The following FAT4 variants were observed in gnomAD, a reference collection of about 807,000 sequenced individuals.
The protein encoded by FAT4 is protocadherin Fat 4.
FAT4 carries 84 observed loss-of-function variants against 303.9 expected under a neutral mutation model. That is an observed-to-expected ratio of 0.28 (90% CI 0.23 to 0.33). The LOEUF is 0.33. FAT4 is among the 10% of genes least tolerant of loss of function. FAT4 has a pLI of 1.00. For synonymous variants in FAT4, 2,307 were observed against 2,298.8 expected (o/e 1.00, Z -0.10); for missense variants, 6,005 against 6,146.8 (o/e 0.98, Z 0.77).
chr4:125,413,497 G>C (rs922749713), intron 5 of FAT4, among the ~76,000 whole-genome samples: 5 of 151,794 alleles, frequency 3.3e-5, no homozygotes, highest in African/African-American at 1.2e-4. Flanking sequence ...GTTTATCCTA[G>C]AAATTTTTGT....
At chr4:125,417,147 C>A (rs2126029505) in intron 7 of FAT4, among the ~76,000 whole-genome samples, 2 of 152,126 alleles carry the variant, frequency 1.3e-5, no homozygotes, top group Middle Eastern at 3.4e-3. Flanking sequence ...CCACCTAAGC[C>A]CTATTCCCAT....
At position 125,491,986 on chromosome 4, in the gene FAT4, G is replaced by A. The variant is rs1047238059; in HGVS notation, c.*218G>A. 9.4e-6 allele frequency: 5 copies of A among 533,226 alleles called. No individual in the cohort carries two copies. The highest frequency in any genetic ancestry group is 1.6e-5 in the Non-Finnish European group (5 of 312,218). The allele number at this position is 533,226 out of a possible 1,614,324, so 33.0% of individuals were successfully genotyped here. Reference sequence around the variant, plus strand: ...TTGAATTTATTTCCCTGCATGCATTGTGTTTTGTAACTAGTTATGTGGCAT... The same window carrying A: ...TTGAATTTATTTCCCTGCATGCATTATGTTTTGTAACTAGTTATGTGGCAT... On this transcript the variant is annotated 3_prime_UTR_variant, in exon 18 of 18. Coordinates refer to ENST00000394329, the MANE Select transcript of FAT4 (RefSeq NM_001291303.3).
Position 125,316,942 on chromosome 4 carries a change from C to G in FAT4, c.531C>G (p.Ile177Met), listed in dbSNP as rs1049513322. ...TGGACCACCGCTCCTACCGCATCATCCGCGGCAATGAGGCGGGGCGCTTCC... is the reference window on the plus strand; with the variant it reads ...TGGACCACCGCTCCTACCGCATCATGCGCGGCAATGAGGCGGGGCGCTTCC... ...NGVDHRSYRI[I>M]RGNEAGRFRL... Residue 177 changes from isoleucine (I) to methionine (M), a missense_variant, in exon 2 of 18, where the codon ATC becomes ATG. Coordinates refer to ENST00000394329, the MANE Select transcript of FAT4 (RefSeq NM_001291303.3). This position sits in a 1 kb window ranked among gnomAD's most constrained non-coding sequence, Gnocchi z 5.7. 1.2e-6 allele frequency: 2 copies of G among 1,613,998 alleles called. No homozygotes were observed. The highest frequency in any genetic ancestry group is 2.7e-5 in the African/African-American group (2 of 75,072).
chr4:125,464,980 C>T (rs189321533), intron 11 of FAT4, among the ~76,000 whole-genome samples: 10 of 152,230 alleles, frequency 6.6e-5, no homozygotes, highest in African/African-American at 2.2e-4. Flanking sequence ...GTATAATTTA[C>T]TAGGTATTTT....
chr4:125,488,125 A>G (rs935142484), intron 17 of FAT4, among the ~76,000 whole-genome samples: 1 of 152,236 alleles, frequency 6.6e-6, no homozygotes, highest in Non-Finnish European at 1.5e-5. Flanking sequence ...ATTGACATGT[A>G]TACATAAATC....
chr4:125,468,891 A>T, intron 12 of FAT4, 72 bp downstream of exon 12: 3 of 1,429,262 alleles, frequency 2.1e-6, no homozygotes, highest in Non-Finnish European at 2.9e-6. Context: ...TGGGGTGCAA[A>T]TCATGTTAAA....
intron 16 of FAT4, among the ~76,000 whole-genome samples, chr4:125,486,686 A>G (rs1447581141): frequency 6.6e-6 from 1 of 152,200 alleles, no homozygotes; most frequent in African/African-American, 2.4e-5. Flanking sequence ...CCTGGACAAA[A>G]TAAAATAAAC....
At chr4:125,476,542 C>G (rs1360481743) in intron 13 of FAT4, among the ~76,000 whole-genome samples, 1 of 152,088 alleles carries the variant, frequency 6.6e-6, no homozygotes, top group Non-Finnish European at 1.5e-5. Context: ...GACCTTCATT[C>G]TGAAAAACAT....
chr4:125,470,143 CT>C (rs577018503), intron 12 of FAT4, among the ~76,000 whole-genome samples: 2 of 152,224 alleles, frequency 1.3e-5, no homozygotes, highest in East Asian at 3.9e-4. Flanking sequence ...TGAAAGGAAT[CT>C]TTTTTTCCGA....
At chr4:125,481,429 ATTGTCCTTTTTATATTT>A (rs1727221511) in intron 15 of FAT4, 75 bp from the exon 16 acceptor site, 2 of 1,085,498 alleles carry the variant, frequency 1.8e-6, no homozygotes, top group South Asian at 3.0e-5. Flanking sequence ...CGACATTTTC[ATTGTCCTTTTTATATTT>A]TTGTCACTAT....
chr4:125,325,628 G>C (rs1433889035), intron 2 of FAT4, among the ~76,000 whole-genome samples: 1 of 152,164 alleles, frequency 6.6e-6, no homozygotes, highest in African/African-American at 2.4e-5. Flanking sequence ...AGAGTAATGG[G>C]TCTTTGTGCA....
In FAT4 at chr4:125,477,209, A is replaced by T; in HGVS notation, c.12354A>T (p.Glu4118Asp). 1 of 1,522,034 alleles carries T rather than the reference A, an allele frequency of 6.6e-7. No individual in the cohort carries two copies. Among genetic ancestry groups the T allele is most frequent in the Non-Finnish European group, 8.9e-7 (1 of 1,129,374 alleles). The allele number at this position is 1,522,034 out of a possible 1,614,324, so 94.3% of individuals were successfully genotyped here. A position where few individuals can be genotyped will look rare whatever the true frequency, so the allele number is the denominator to read the frequency against. The change falls in exon 14 of 18, where the codon GAA becomes GAT. Residue 4118 changes from glutamate to aspartate, a missense_variant. Glu to Asp is a conservative substitution (Grantham distance 45, BLOSUM62 2). Coordinates refer to ENST00000394329, the MANE Select transcript of FAT4 (RefSeq NM_001291303.3). ...CAGTTGGAGGTATCAGATCTCTAGA[A>T]CCAATCCTTCAGAGAAGAGGACACG... ...RVTVGGIRSL[E>D]PILQRRGHVE...
intron 7 of FAT4, among the ~76,000 whole-genome samples, chr4:125,431,334 T>G (rs1285141620): frequency 1.3e-5 from 2 of 152,188 alleles, no homozygotes; most frequent in Non-Finnish European, 2.9e-5. Flanking sequence ...ATGTCTTCCA[T>G]AAAGCTGTGA....
Position 125,317,103 on chromosome 4 carries a change from G to A in FAT4, c.692G>A (p.Arg231Gln). Residue 231 changes from arginine (R) to glutamine (Q), a missense_variant, in exon 2 of 18, where the codon CGG (arginine) becomes CAG (glutamine). Physicochemically the swap from Arg to Gln is conservative, Grantham distance 43. Coordinates refer to ENST00000394329, the MANE Select transcript of FAT4 (RefSeq NM_001291303.3). This position sits in a 1 kb window ranked among gnomAD's most constrained non-coding sequence, Gnocchi z 7.0. ...GAGGACAAGGGTGAGCCTAAGCGGC[G>A]GGGCTACCTTCAGGTAAACGTGACT... Reference protein sequence around the residue: ...EVEDKGEPKRRGYLQVNVTVQ... With the variant: ...EVEDKGEPKRQGYLQVNVTVQ... 1 of 1,613,876 alleles carries A rather than the reference G, an allele frequency of 6.2e-7. No individual in the cohort carries two copies. The highest frequency in any genetic ancestry group is 8.5e-7 in the Non-Finnish European group (1 of 1,180,044).
intron 10 of FAT4, among the ~76,000 whole-genome samples, chr4:125,460,473 T>G (rs1052446872): frequency 6.6e-6 from 1 of 151,914 alleles, no homozygotes; most frequent in Admixed American, 6.6e-5. Flanking sequence ...GTCTGTTGTT[T>G]CCTTCTCTGT....
intron 11 of FAT4, among the ~76,000 whole-genome samples, chr4:125,464,014 C>T (rs990145323): frequency 4.6e-5 from 7 of 152,072 alleles, no homozygotes; most frequent in African/African-American, 1.7e-4. Context: ...TATTTCAAAT[C>T]TTTAAGAGTA....
intron 2 of FAT4, among the ~76,000 whole-genome samples, chr4:125,365,852 C>T (rs911027535): frequency 7.2e-5 from 11 of 152,118 alleles, no homozygotes; most frequent in African/African-American, 2.7e-4. Flanking sequence ...TTATATAGGT[C>T]AGGAGTTCCC....
chr4:125,364,275 T>G (rs1469199270), intron 2 of FAT4, among the ~76,000 whole-genome samples: 1 of 152,170 alleles, frequency 6.6e-6, no homozygotes, highest in Non-Finnish European at 1.5e-5. Flanking sequence ...TAGTGATTCT[T>G]GTAGTAATCT....
At chr4:125,374,698 T>G (rs895670819) in intron 2 of FAT4, among the ~76,000 whole-genome samples, 1 of 152,186 alleles carries the variant, frequency 6.6e-6, no homozygotes, top group Non-Finnish European at 1.5e-5. Flanking sequence ...TCTAACCCAG[T>G]GAAGTATGCA....
Sources: allele counts gnomAD v4.1 joint callset (sites outside exome capture counted in the v4.1 genomes callset), GRCh38; gene constraint gnomAD v4.1.1; non-coding constraint Gnocchi (gnomAD v3.1); transcripts MANE v1.5; gene names NCBI Gene and HGNC (gene_info 2026-07-23, HGNC 2026-07-21).